TRAK1: variants seen among roughly 807,000 people sequenced by gnomAD.
TRAK1 encodes trafficking kinesin-binding protein 1.
A neutral mutation model predicts 92.1 loss-of-function variants in TRAK1; 33 were observed. The ratio of observed to expected loss-of-function variants is 0.36; its 90% CI spans 0.27 to 0.48. TRAK1 has a LOEUF of 0.48. Ranked by LOEUF, TRAK1 falls within the 20% of genes least tolerant of loss-of-function variation. TRAK1 has a pLI of 0.99. For missense variants in TRAK1, 1,123 were observed against 1,257.9 expected (o/e 0.89, Z 1.62); for synonymous variants, 521 against 517.3 (o/e 1.01, Z -0.10).
chr3:42,211,744 A>G lies in TRAK1; in HGVS notation c.1963+1759A>G, dbSNP rs905648735. On this transcript the variant is annotated intron_variant, in intron 14 of 15. Transcript: ENST00000327628. ...GATAGAGAGAGAGAAGGGACCAATT[A>G]TGAGGACTGACATCCTGGCCACTCT... 4 of 985,324 alleles carry G rather than the reference A, an allele frequency of 4.1e-6. No individual in the cohort carries two copies. In the African/African-American group the frequency reaches 7.0e-5, roughly 17 times the overall value. 61.0% of individuals were successfully genotyped at this position (985,324 alleles called of 1,614,324 possible). A position where few individuals can be genotyped will look rare whatever the true frequency, so the allele number is the denominator to read the frequency against.
At chr3:42,013,367 A>G (rs1701381798), upstream of TRAK1, among the ~76,000 whole-genome samples, 1 of 151,962 alleles carries the variant, frequency 6.6e-6, no homozygotes, top group Admixed American at 6.6e-5. The surrounding 1 kb of genome is among the most constrained non-coding windows in gnomAD (Gnocchi z 5.1). Context: ...GAAGTGCTAG[A>G]AGTAAATAAG....
At chr3:42,092,102 CT>C (rs1445433663) in intron 1 of TRAK1, among the ~76,000 whole-genome samples, 2 of 152,142 alleles carry the variant, frequency 1.3e-5, no homozygotes, top group African/African-American at 4.8e-5. Context: ...CCCTCCCTTT[CT>C]TTTTTGTCCT....
chr3:42,197,000 T>TCA (rs60649090), intron 10 of TRAK1, among the ~76,000 whole-genome samples: 14,409 of 130,802 alleles, frequency 0.11, 746 homozygotes, highest in East Asian at 0.19. Flanking sequence ...TCTCTCTCTC[T>TCA]CTCACACACA....
intron 1 of TRAK1, among the ~76,000 whole-genome samples, chr3:42,017,891 T>A (rs997467866): frequency 6.6e-6 from 1 of 152,174 alleles, no homozygotes; most frequent in Admixed American, 6.5e-5. Context: ...AGAGCAGGGC[T>A]AACTCATAGG....
intron 12 of TRAK1, among the ~76,000 whole-genome samples, chr3:42,201,460 CA>C (rs57638665): frequency 2.3e-4 from 32 of 139,476 alleles, no homozygotes; most frequent in Admixed American, 2.9e-4. Context: ...GACTCTGTCT[CA>C]AAAAAAAAAA....
intron 15 of TRAK1, among the ~76,000 whole-genome samples, chr3:42,221,687 C>A (rs1710368789): frequency 1.3e-5 from 2 of 152,198 alleles, no homozygotes; most frequent in Non-Finnish European, 2.9e-5. Flanking sequence ...CCAGCAAAAT[C>A]CTGGAGCCGG....
chr3:42,054,409 A>T (rs1703111096), intron 1 of TRAK1, among the ~76,000 whole-genome samples: 1 of 152,176 alleles, frequency 6.6e-6, no homozygotes, highest in African/African-American at 2.4e-5. Flanking sequence ...GCAAGCCAGA[A>T]TCAGGAGCTT....
intron 1 of TRAK1, among the ~76,000 whole-genome samples, chr3:42,121,346 G>A (rs1331742976): frequency 1.4e-5 from 2 of 148,024 alleles, no homozygotes; most frequent in South Asian, 2.1e-4. Context: ...TGCAAGCTCC[G>A]CCTCCGGGGT....
intron 14 of TRAK1, 160 bp from the exon 15 acceptor site, chr3:42,219,334 C>T (rs1710076378): frequency 4.1e-6 from 4 of 985,336 alleles, no homozygotes; most frequent in African/African-American, 1.7e-5. Flanking sequence ...TTTGAGGACT[C>T]GCCTTCAATC....
intron 1 of TRAK1, among the ~76,000 whole-genome samples, chr3:42,105,423 T>C (rs1707396862): frequency 6.6e-6 from 1 of 152,068 alleles, no homozygotes; most frequent in African/African-American, 2.4e-5. Context: ...ATATCAGTAA[T>C]TGAAGATTAA....
intron 2 of TRAK1, among the ~76,000 whole-genome samples, chr3:42,158,424 A>G (rs578139102): frequency 6.6e-6 from 1 of 152,312 alleles, no homozygotes; most frequent in Admixed American, 6.5e-5. Context: ...AACACCTTAT[A>G]GATGTGCCCA....
chr3:42,178,167 A>G (rs559319486), intron 3 of TRAK1, among the ~76,000 whole-genome samples: 1 of 143,410 alleles, frequency 7.0e-6, no homozygotes, highest in Non-Finnish European at 1.5e-5. Context: ...GAGGGGTCCT[A>G]ATCTGTACCT....
intron 7 of TRAK1, among the ~76,000 whole-genome samples, chr3:42,192,400 ATTGCATTTCGTCAAAGTACTAAGTATT>A (rs1559905965): frequency 8.8e-4 from 115 of 131,326 alleles, no homozygotes; most frequent in African/African-American, 3.2e-3. Context: ...TACTAAGTAT[ATTGCATTTCGTCAAAGTACTAAGTATT>A]TTGCATTTCG....
At chr3:42,088,080 A>G (rs979065162), upstream of TRAK1, among the ~76,000 whole-genome samples, 1 of 152,256 alleles carries the variant, frequency 6.6e-6, no homozygotes, top group African/African-American at 2.4e-5. Flanking sequence ...TGGCAAAATT[A>G]TAGCTCAATC....
chr3:42,092,406 A>T (rs1705191045), intron 1 of TRAK1, among the ~76,000 whole-genome samples: 1 of 152,194 alleles, frequency 6.6e-6, no homozygotes, highest in African/African-American at 2.4e-5. Flanking sequence ...AAGCCTAAAG[A>T]CACTTCAAAC....
chr3:42,062,096 G>A (rs962015620), intron 1 of TRAK1, among the ~76,000 whole-genome samples: 4 of 152,336 alleles, frequency 2.6e-5, no homozygotes, highest in African/African-American at 9.6e-5. Context: ...GCTCATATGT[G>A]TGGCAGGAAT....
At chr3:42,214,442 T>C (rs1709427844) in intron 14 of TRAK1, among the ~76,000 whole-genome samples, 1 of 152,230 alleles carries the variant, frequency 6.6e-6, no homozygotes, top group South Asian at 2.1e-4. Context: ...GCTTTGTTGG[T>C]GTCTGAAGAC....
At chr3:42,195,090 A>T in intron 10 of TRAK1, 149 bp downstream of exon 10, 2 of 984,826 alleles carry the variant, frequency 2.0e-6, no homozygotes, top group Non-Finnish European at 2.9e-6. Flanking sequence ...GGACACTTGA[A>T]TCTGACTGGT....
intron 1 of TRAK1, among the ~76,000 whole-genome samples, chr3:42,074,885 CTGT>C (rs1425142737): frequency 1.3e-5 from 2 of 152,150 alleles, no homozygotes; most frequent in Non-Finnish European, 2.9e-5. Flanking sequence ...CGTCTGGTGT[CTGT>C]TGTTCCCTTC....
Sources: gnomAD v4.1 joint callset for allele counts (sites outside exome capture counted in the v4.1 genomes callset) on GRCh38, gnomAD v4.1.1 for gene constraint, Gnocchi (gnomAD v3.1) non-coding constraint, MANE v1.5 for transcripts, NCBI Gene and HGNC (gene_info 2026-07-23, HGNC 2026-07-21) for gene names.